The following PACS2 variants were observed in gnomAD, a reference collection of about 807,000 sequenced individuals.
PACS2 encodes the protein phosphofurin acidic cluster sorting protein 2.
A neutral mutation model predicts 113.0 loss-of-function variants in PACS2; 36 were observed. The ratio of observed to expected loss-of-function variants is 0.32; its 90% CI spans 0.24 to 0.42. PACS2 has a LOEUF of 0.42. Ranked by LOEUF, PACS2 falls within the 10% of genes least tolerant of loss-of-function variation. The pLI is 1.00. For missense variants in PACS2, 1,015 were observed against 1,239.5 expected (o/e 0.82, Z 2.72); for synonymous variants, 589 against 536.1 (o/e 1.10, Z -1.36).
chr14:105,367,163 G>T, intron 4 of PACS2, 50 bp from the exon 5 acceptor site: 1 of 1,569,602 alleles, frequency 6.4e-7, no homozygotes, highest in Non-Finnish European at 8.7e-7. Context: ...CAGGGCACCG[G>T]GGCTCCTTCC....
Position 105,391,625 on chromosome 14 carries a change from C to A in PACS2, c.2120-6C>A, listed in dbSNP as rs1476473210. The A allele has an allele frequency of 6.2e-7, 1 of 1,607,952 alleles. No homozygotes were observed. Among genetic ancestry groups the A allele is most frequent in the Non-Finnish European group, 8.5e-7 (1 of 1,179,346 alleles). On this transcript the variant is annotated splice_polypyrimidine_tract_variant and splice_region_variant and intron_variant, in intron 21 of 24. Transcript: ENST00000447393. Reference sequence around the variant, plus strand: ...GCTCAGCCTGCCCTGTGACTCCTCCCCAAAGGCGACTCGGACGACGCGGCC... The same window carrying A: ...GCTCAGCCTGCCCTGTGACTCCTCCACAAAGGCGACTCGGACGACGCGGCC...
chr14:105,348,800 G>A lies in PACS2; in HGVS notation c.207+220G>A. 1 of 527,390 alleles carries A rather than the reference G, an allele frequency of 1.9e-6. No individual in the cohort carries two copies. Among genetic ancestry groups the A allele is most frequent in the Admixed American group, 3.2e-5 (1 of 31,072 alleles). 32.7% of individuals were successfully genotyped at this position (527,390 alleles called of 1,614,324 possible). A position where few individuals can be genotyped will look rare whatever the true frequency, so the allele number is the denominator to read the frequency against. ...AGGCCCGGCCTTCTGGGATGTGGAG[G>A]TCACATGCATGGGGCCTTCCCAGGG... On this transcript the variant is annotated intron_variant, in intron 2 of 24. Coordinates refer to ENST00000447393, the MANE Select transcript of PACS2 (RefSeq NM_001100913.3). This position sits in a 1 kb window ranked among gnomAD's most constrained non-coding sequence, Gnocchi z 6.4.
chr14:105,343,699 C>CTTTT (rs200290671), intron 1 of PACS2, among the ~76,000 whole-genome samples: 4 of 142,224 alleles, frequency 2.8e-5, no homozygotes, highest in African/African-American at 1.0e-4. Context: ...ATTTTGCTCA[C>CTTTT]TTTTTTTTTT....
rs1350453087 is a variant in PACS2, at chr14:105,302,942, TC to T, written c.-83+1964del. ...CACTGCTCCCCGCCCTTTCTCTAGT[TC>T]TTTTTTTTTTTTGAGATAGAGAACA... On this transcript the variant is annotated intron_variant, in intron 1 of 23. Transcript: ENST00000430725. 3.7e-5 allele frequency among the ~76,000 whole-genome samples: 5 copies of T among 136,132 alleles called. No homozygotes were observed. The East Asian group carries it at 7.9e-4, about 22-fold the overall frequency. 89.3% of individuals were successfully genotyped at this position (136,132 alleles called of 152,430 possible).
intron 19 of PACS2, 194 bp from the exon 20 acceptor site, chr14:105,389,766 TG>T (rs2081294829): frequency 6.4e-6 from 4 of 627,916 alleles, no homozygotes; most frequent in South Asian, 5.5e-5. Flanking sequence ...GCGTTGGTCC[TG>T]GGGGCCAGGC....
At chr14:105,342,264 G>GTT (rs2140968178) in intron 1 of PACS2, among the ~76,000 whole-genome samples, 1 of 151,954 alleles carries the variant, frequency 6.6e-6, no homozygotes, top group African/African-American at 2.4e-5. Flanking sequence ...GTGTGTGTGT[G>GTT]TGTGTGTCTA....
chr14:105,312,093 T>C (rs190775519), upstream of PACS2, among the ~76,000 whole-genome samples: 1 of 152,282 alleles, frequency 6.6e-6, no homozygotes, highest in Admixed American at 6.5e-5. Flanking sequence ...GGGCCTGCTG[T>C]GTGTCTGTGT....
rs1241438649 is a variant in PACS2, at chr14:105,309,367, A to T, written c.-83+8388A>T. On this transcript the variant is annotated intron_variant, in intron 1 of 23. Coordinates refer to the PACS2 transcript ENST00000430725. This position sits in a 1 kb window ranked among gnomAD's most constrained non-coding sequence, Gnocchi z 4.0. The stretch of plus-strand genomic sequence containing the variant: ...CAATCACATATCTGAGAATTTCCCC[A>T]TGTTGCTAAAACTGAGGCAGCGTTC... 6.6e-6 allele frequency among the ~76,000 whole-genome samples: 1 copy of T among 152,134 alleles called. No individual in the cohort carries two copies. The highest frequency in any genetic ancestry group is 1.5e-5 in the Non-Finnish European group (1 of 68,022).
intron 8 of PACS2, 133 bp downstream of exon 8, chr14:105,370,033 G>A (rs1176025229): frequency 7.7e-6 from 6 of 776,702 alleles, no homozygotes; most frequent in East Asian, 2.7e-5. Context: ...CGCCAGCATC[G>A]CACAGTCTGC....
intron 21 of PACS2, 119 bp from the exon 22 acceptor site, chr14:105,391,512 T>TGCCCCCCCGCCCCCCCCC: frequency 1.6e-6 from 1 of 611,332 alleles, no homozygotes; most frequent in Non-Finnish European, 2.9e-6. Context: ...CACTGGGGAC[T>TGCCCCCCCGCCCCCCCCC]CCCACCCTGC....
intron 1 of PACS2, among the ~76,000 whole-genome samples, chr14:105,342,913 T>C (rs1595628419): frequency 7.0e-6 from 1 of 142,624 alleles, no homozygotes; most frequent in African/African-American, 2.7e-5. Context: ...CCAGCCTGGG[T>C]GACAGCAGGA....
chr14:105,310,452 C>T (rs1426527523), upstream of PACS2, among the ~76,000 whole-genome samples: 6 of 151,012 alleles, frequency 4.0e-5, no homozygotes, highest in Non-Finnish European at 7.4e-5. Context: ...ATGGCATGAA[C>T]CCGGGAGGCA....
rs1428830849 is a variant in PACS2 at position 105,376,588 on chromosome 14, G to A, written c.802-180G>A. On this transcript the variant is annotated intron_variant, in intron 8 of 24. Transcript: ENST00000447393. This position sits in a 1 kb window ranked among gnomAD's most constrained non-coding sequence, Gnocchi z 4.7. ...ACGCACCGGTACCTGGGGACCGGGGGTCCTCGGTGATCATCCCGAGCTCCA... is the reference window on the plus strand; with the variant it reads ...ACGCACCGGTACCTGGGGACCGGGGATCCTCGGTGATCATCCCGAGCTCCA... 6.6e-6 allele frequency among the ~76,000 whole-genome samples: 1 copy of A among 152,126 alleles called. No individual in the cohort carries two copies. Among genetic ancestry groups the A allele is most frequent in the African/African-American group, 2.4e-5 (1 of 41,420 alleles).
At chr14:105,385,540 G>A (rs1028111282) in intron 18 of PACS2, 145 bp from the exon 19 acceptor site, 2 of 547,448 alleles carry the variant, frequency 3.7e-6, no homozygotes, top group East Asian at 3.0e-5. Context: ...AGAGCCGAGT[G>A]CAAGGCGCAA....
rs989673741 is a variant in PACS2 at position 105,358,016 on chromosome 14, C to T, written c.423+2839C>T. On this transcript the variant is annotated intron_variant, in intron 4 of 24. Coordinates refer to ENST00000447393, the MANE Select transcript of PACS2 (RefSeq NM_001100913.3). The surrounding 1 kb of genome is among the most constrained non-coding windows in gnomAD (Gnocchi z 4.9). The stretch of plus-strand genomic sequence containing the variant: ...TCCAGGCTGTGGGGAGACCAGGAGG[C>T]GATGGCTGTGGGGACACAGGTGTCA... Among the ~76,000 whole-genome samples, 15 of 152,064 alleles carry T rather than the reference C, an allele frequency of 9.9e-5. No individual in the cohort carries two copies. The highest frequency in any genetic ancestry group is 1.6e-4 in the Non-Finnish European group (11 of 67,992).
chr14:105,394,396 C>T, intron 24 of PACS2, 158 bp from the exon 25 acceptor site: 3 of 985,334 alleles, frequency 3.0e-6, no homozygotes, highest in Non-Finnish European at 2.4e-6. Context: ...GCCCTGGAGC[C>T]CCCGAGTCCC....
chr14:105,306,720 C>T (rs1057038444), intron 1 of PACS2, among the ~76,000 whole-genome samples: 4 of 152,224 alleles, frequency 2.6e-5, no homozygotes, highest in Non-Finnish European at 5.9e-5. Flanking sequence ...ATTCTCCTGC[C>T]TCAGCCTCCC....
At chr14:105,304,372 C>T (rs1173428244) in intron 1 of PACS2, among the ~76,000 whole-genome samples, 4 of 152,064 alleles carry the variant, frequency 2.6e-5, no homozygotes, top group Non-Finnish European at 4.4e-5. Context: ...CCTGTAGTTC[C>T]AGCTACTCGG....
At chr14:105,313,808 C>T (rs1448702888), upstream of PACS2, among the ~76,000 whole-genome samples, 6 of 152,260 alleles carry the variant, frequency 3.9e-5, no homozygotes, top group African/African-American at 1.2e-4. Context: ...CTCGGCTTGG[C>T]ATCTGGTGCT....
Sources: gnomAD v4.1 joint callset for allele counts (sites outside exome capture counted in the v4.1 genomes callset) on GRCh38, gnomAD v4.1.1 for gene constraint, Gnocchi (gnomAD v3.1) non-coding constraint, MANE v1.5 for transcripts, NCBI Gene and HGNC (gene_info 2026-07-23, HGNC 2026-07-21) for gene names.